Variants in XYLT1 observed in about 807,000 individuals in gnomAD.
XYLT1 encodes xylosyltransferase 1, also known as beta-D-xylosyltransferase 1.
XYLT1 carries 36 observed loss-of-function variants against 91.3 expected under a neutral mutation model. The observed-to-expected ratio is 0.39, with a 90% CI of 0.30 to 0.52. The LOEUF (loss-of-function observed/expected upper bound fraction) is 0.52. XYLT1 is among the 20% of genes least tolerant of loss of function. XYLT1 has a pLI of 0.68. For synonymous variants in XYLT1, 588 were observed against 532.0 expected (o/e 1.11, Z -1.45); for missense variants, 1,242 against 1,284.5 (o/e 0.97, Z 0.51).
rs2034603307 is a variant in XYLT1, at chr16:17,314,895, A to C, written c.402+43117T>G. Reference sequence around the variant, plus strand: ...CAGTCCTGGTACGAGTTTGTCAGGCAGGTGTGTAGGTGGCGGAGGTGATAA... The same window carrying C: ...CAGTCCTGGTACGAGTTTGTCAGGCCGGTGTGTAGGTGGCGGAGGTGATAA... On this transcript the variant is annotated intron_variant, in intron 2 of 11. Coordinates refer to ENST00000261381, the MANE Select transcript of XYLT1 (RefSeq NM_022166.4). Among the ~76,000 whole-genome samples the C allele has an allele frequency of 2.0e-5, 3 of 152,314 alleles. No individual in the cohort carries two copies. The South Asian group carries it at 6.2e-4, about 32-fold the overall frequency.
At chr16:17,251,165 A>C (rs1004166536) in intron 3 of XYLT1, 3 of 152,384 alleles carry the variant, frequency 2.0e-5, no homozygotes, top group African/African-American at 7.2e-5. Context: ...CTCTGCAGCG[A>C]GCGGCCAGCC....
intron 5 of XYLT1, among the ~76,000 whole-genome samples, chr16:17,164,525 C>G (rs1234874770): frequency 6.6e-6 from 1 of 152,112 alleles, no homozygotes; most frequent in Non-Finnish European, 1.5e-5. Context: ...AATAATAATT[C>G]TCTATTTCTC....
In XYLT1 at chr16:17,470,370, G is replaced by A. The variant is rs1291007800; in HGVS notation, c.363+64C>T. Reference sequence around the variant, plus strand: ...ATGACCGAGTTCAAGGGCTAGGGGGGCGTGGGGTCGGGCTGCCTTCCTCCC... The same window carrying A: ...ATGACCGAGTTCAAGGGCTAGGGGGACGTGGGGTCGGGCTGCCTTCCTCCC... On this transcript the variant is annotated intron_variant, in intron 1 of 11. Transcript: ENST00000261381. 1.2e-5 allele frequency: 14 copies of A among 1,209,620 alleles called. No homozygotes were observed. In the South Asian group the frequency reaches 5.1e-4, roughly 44 times the overall value. 74.9% of individuals were successfully genotyped at this position (1,209,620 alleles called of 1,614,324 possible). A position where few individuals can be genotyped will look rare whatever the true frequency, so the allele number is the denominator to read the frequency against.
At chr16:17,147,013 C>T (rs1197034314) in intron 6 of XYLT1, among the ~76,000 whole-genome samples, 2 of 152,180 alleles carry the variant, frequency 1.3e-5, no homozygotes, top group Non-Finnish European at 2.9e-5. Flanking sequence ...TGGTAAAATA[C>T]AAAATTGGGC....
intron 3 of XYLT1, among the ~76,000 whole-genome samples, chr16:17,223,096 C>T (rs2033001053): frequency 6.6e-6 from 1 of 151,982 alleles, no homozygotes; most frequent in Non-Finnish European, 1.5e-5. Flanking sequence ...CTCTTTCGTG[C>T]AAGCCTTGAA....
chr16:17,148,896 G>C (rs1187029187), intron 6 of XYLT1, among the ~76,000 whole-genome samples: 1 of 152,190 alleles, frequency 6.6e-6, no homozygotes. Flanking sequence ...CCAGACCTCT[G>C]GAAGATATCT....
intron 1 of XYLT1, among the ~76,000 whole-genome samples, chr16:17,438,206 C>G (rs2036485276): frequency 6.6e-6 from 1 of 152,180 alleles, no homozygotes; most frequent in African/African-American, 2.4e-5. Context: ...TGAGACGAAC[C>G]TAATCGCAGA....
chr16:17,134,511 G>C lies in XYLT1; in HGVS notation c.1989C>G (p.Ala663=), dbSNP rs12708815. 1 of 1,613,742 alleles carries C rather than the reference G, an allele frequency of 6.2e-7. No homozygotes were observed. Among genetic ancestry groups the C allele is most frequent in the East Asian group, 2.2e-5 (1 of 44,860 alleles). The change falls in exon 9 of 12, where the codon GCC becomes GCG. Residue 663 remains alanine, a synonymous_variant. Coordinates refer to ENST00000261381, the MANE Select transcript of XYLT1 (RefSeq NM_022166.4). ...HSFARLGLRR[A]ETSLHTDGEN... Reference sequence around the variant, plus strand: ...CCCCATCCGTGTGCAGGGACGTCTCGGCCCGTCGAAGACCCAGGCGGGCAA... The same window carrying C: ...CCCCATCCGTGTGCAGGGACGTCTCCGCCCGTCGAAGACCCAGGCGGGCAA...
chr16:17,461,087 G>A (rs2036813906), intron 1 of XYLT1, among the ~76,000 whole-genome samples: 1 of 152,188 alleles, frequency 6.6e-6, no homozygotes. Context: ...CACACGACCT[G>A]CCTCCCAGGC....
In XYLT1 at chr16:17,400,985, T is replaced by TACACACACACAC. The variant is rs71373111; in HGVS notation, c.364-42947_364-42936dup. 4.0e-3 allele frequency among the ~76,000 whole-genome samples: 594 copies of TACACACACACAC among 148,780 alleles called. 4 individuals are homozygous for TACACACACACAC. Among genetic ancestry groups the TACACACACACAC allele is most frequent in the African/African-American group, 0.014 (574 of 40,712 alleles). On this transcript the variant is annotated intron_variant, in intron 1 of 11. Coordinates refer to ENST00000261381, the MANE Select transcript of XYLT1 (RefSeq NM_022166.4). ...TCTCTCTGTCTCACTCTCTCTTTCA[T>TACACACACACAC]ACACACACACACACACACACACACA... is the stretch of plus-strand genomic sequence containing the variant.
chr16:17,259,024 T>C lies in XYLT1; in HGVS notation c.877A>G (p.Met293Val), dbSNP rs1196851206. 1 of 1,510,242 alleles carries C rather than the reference T, an allele frequency of 6.6e-7. No homozygotes were observed. Among genetic ancestry groups the C allele is most frequent in the Non-Finnish European group, 8.9e-7 (1 of 1,129,390 alleles). The allele number at this position is 1,510,242 out of a possible 1,614,324, so 93.6% of individuals were successfully genotyped here. ...CAGAACCGAGTCACCTTCTCAGGCA[T>C]CAGCAGCCCTAACTTGTGGCGGCAG... ...TYCRHKLGLL[M>V]PEKVTRFCPL... The change falls in exon 3 of 12, where the codon ATG (methionine) becomes GTG (valine). Residue 293 changes from methionine (M) to valine (V), a missense_variant. Physicochemically the swap from Met to Val is conservative, Grantham distance 21 (BLOSUM62 1). This residue lies in a region of XYLT1 where 437 missense variants were observed against 411.5 expected (regional missense o/e 1.06). Transcript: ENST00000261381.
chr16:17,383,467 CT>C (rs1259278297), intron 1 of XYLT1, among the ~76,000 whole-genome samples: 1 of 151,858 alleles, frequency 6.6e-6, no homozygotes, highest in East Asian at 2.0e-4. Flanking sequence ...TTCAAGATTC[CT>C]TGTGGCAGGG....
intron 1 of XYLT1, among the ~76,000 whole-genome samples, chr16:17,384,488 T>C (rs1053691509): frequency 2.6e-5 from 4 of 152,030 alleles, no homozygotes; most frequent in Non-Finnish European, 2.9e-5. Flanking sequence ...TAGCCGCCAA[T>C]GTTCAAAGCT....
chr16:17,124,259 A>T (rs2030177879), intron 10 of XYLT1, among the ~76,000 whole-genome samples: 3 of 152,076 alleles, frequency 2.0e-5, no homozygotes, highest in Non-Finnish European at 4.4e-5. Flanking sequence ...ATTTTGGTTT[A>T]TTTTGAGGAT....
chr16:17,212,564 G>C (rs1367571848), intron 3 of XYLT1, among the ~76,000 whole-genome samples: 1 of 152,086 alleles, frequency 6.6e-6, no homozygotes, highest in Non-Finnish European at 1.5e-5. Context: ...CACTCCACCA[G>C]AGACTGAAGG....
chr16:17,235,517 C>T (rs1027735758), intron 3 of XYLT1, among the ~76,000 whole-genome samples: 3 of 152,052 alleles, frequency 2.0e-5, no homozygotes, highest in Non-Finnish European at 4.4e-5. Flanking sequence ...CGAAGGGCCC[C>T]GTCTCAATGC....
chr16:17,222,926 A>G (rs929865135), intron 3 of XYLT1, among the ~76,000 whole-genome samples: 1 of 151,796 alleles, frequency 6.6e-6, no homozygotes, highest in African/African-American at 2.4e-5. Flanking sequence ...GAAACCTCAC[A>G]GGAAAGAGGA....
At chr16:17,141,906 A>T (rs2030988116) in intron 6 of XYLT1, among the ~76,000 whole-genome samples, 1 of 152,200 alleles carries the variant, frequency 6.6e-6, no homozygotes, top group South Asian at 2.1e-4. Flanking sequence ...CAACATTTTT[A>T]AAATTTTTAT....
Position 17,246,017 on chromosome 16 carries a change from A to C in XYLT1, c.913+12971T>G, listed in dbSNP as rs72777780. Among the ~76,000 whole-genome samples, 973 of 152,306 alleles carry C rather than the reference A, an allele frequency of 6.4e-3. 2 individuals are homozygous for C. The highest frequency in any genetic ancestry group is 0.011 in the Non-Finnish European group (750 of 68,016). ...ACAGACAGATTGAGCACAAGGAGCAAATGTAAGCTGCAAAGGGCTTGCTTC... is the reference window on the plus strand; with the variant it reads ...ACAGACAGATTGAGCACAAGGAGCACATGTAAGCTGCAAAGGGCTTGCTTC... On this transcript the variant is annotated intron_variant, in intron 3 of 11. Transcript: ENST00000261381.
Sources: gnomAD v4.1 joint callset for allele counts (sites outside exome capture counted in the v4.1 genomes callset) on GRCh38, gnomAD v4.1.1 for gene constraint, gnomAD v4.1.1 regional missense constraint, MANE v1.5 for transcripts, NCBI Gene and HGNC (gene_info 2026-07-23, HGNC 2026-07-21) for gene names.